The following NOTCH2 variants were observed in gnomAD, a reference collection of about 807,000 sequenced individuals.
NOTCH2 encodes notch receptor 2.
In NOTCH2, 29 loss-of-function variants were observed where a neutral mutation model predicts 235.8. The observed-to-expected ratio is 0.12, with a 90% confidence interval of 0.09 to 0.17. The LOEUF (loss-of-function observed/expected upper bound fraction) is 0.17, where lower values mean the gene tolerates loss of function less well. NOTCH2 is among the 10% of genes least tolerant of loss of function. The probability of loss-of-function intolerance (pLI) is 1.00; values close to 1 mark genes in which losing one functional copy is unlikely to be tolerated. For synonymous variants in NOTCH2, 1,086 were observed against 1,141.5 expected (o/e 0.95, Z 0.98); for missense variants, 2,285 against 3,150.2 (o/e 0.73, Z 6.57).
At chr1:120,004,653 C>G (rs1348165876) in intron 3 of NOTCH2, among the ~76,000 whole-genome samples, 8 of 151,790 alleles carry the variant, frequency 5.3e-5, no homozygotes, top group Non-Finnish European at 7.4e-5. Flanking sequence ...AAAGCCAGTG[C>G]CCTGAATGTC....
chr1:119,997,020 G>T lies in NOTCH2; in HGVS notation c.728C>A (p.Thr243Asn). ...GGTCRQTGDF[T>N]FECNCLPGFE... is the part of the protein sequence containing the mutation. ...ACCTGGAAGGCAGTTGCACTCAAAA[G>T]TGAAGTCACCAGTCTGCCGACAGGT... Residue 243 changes from threonine (T) to asparagine (N), a missense_variant, in exon 4 of 34, where the codon ACT becomes AAT. Thr to Asn is a moderately conservative substitution (Grantham distance 65, BLOSUM62 0). Coordinates refer to ENST00000256646, the MANE Select transcript of NOTCH2 (RefSeq NM_024408.4). The T allele has an allele frequency of 6.2e-7, 1 of 1,613,978 alleles. No individual in the cohort carries two copies. The highest frequency in any genetic ancestry group is 1.1e-5 in the South Asian group (1 of 91,078).
chr1:119,932,060 A>T lies in NOTCH2; in HGVS notation c.3656-2848T>A, dbSNP rs185299946. Among the ~76,000 whole-genome samples, 847 of 150,252 alleles carry T rather than the reference A, an allele frequency of 5.6e-3. 11 individuals are homozygous for T. The highest frequency in any genetic ancestry group is 0.02 in the African/African-American group (813 of 41,160). On this transcript the variant is annotated intron_variant, in intron 22 of 33. Transcript: ENST00000256646. ...CTGCAAAAAAAATCAAAAGAAAATG[A>T]TTCTTAAATGAAAATATATTCTCCA...
chr1:119,934,228 T>G (rs1320881837), intron 22 of NOTCH2, among the ~76,000 whole-genome samples: 1 of 152,160 alleles, frequency 6.6e-6, no homozygotes, highest in Non-Finnish European at 1.5e-5. Flanking sequence ...TCACCATGAG[T>G]GGAAACAGCC....
In NOTCH2 at chr1:119,959,411, G is replaced by C; in HGVS notation, c.2007C>G (p.Val669=). Residue 669 remains valine, a synonymous_variant, in exon 12 of 34, where the codon GTC becomes GTG. Transcript: ENST00000256646. The part of the protein sequence containing the change: ...CMDGINRYSC[V]CSPGFTGQRC... ...CTTTACCTGTGAATCCTGGTGAGCA[G>C]ACACAACTGTAGCGATTAATGCCAT... 1 of 1,603,940 alleles carries C rather than the reference G, an allele frequency of 6.2e-7. No individual in the cohort carries two copies. The highest frequency in any genetic ancestry group is 8.5e-7 in the Non-Finnish European group (1 of 1,170,778).
At chr1:120,014,921 C>T (rs1230449316) in intron 2 of NOTCH2, among the ~76,000 whole-genome samples, 3 of 140,264 alleles carry the variant, frequency 2.1e-5, no homozygotes, top group East Asian at 2.0e-4. Flanking sequence ...TTGTTTTCTC[C>T]ACCGAATGTT....
intron 14 of NOTCH2, among the ~76,000 whole-genome samples, chr1:119,952,346 T>C (rs587682408): frequency 1.3e-5 from 2 of 152,326 alleles, no homozygotes; most frequent in South Asian, 4.1e-4. Context: ...GCACATCCCA[T>C]TTATTGTGCA....
intron 2 of NOTCH2, among the ~76,000 whole-genome samples, chr1:120,015,297 G>A (rs76592003): frequency 6.6e-6 from 1 of 152,108 alleles, no homozygotes; most frequent in African/African-American, 2.4e-5. Flanking sequence ...TTCTTCTTGC[G>A]CTGGGCCTCT....
chr1:119,929,313 T>A lies in NOTCH2; in HGVS notation c.3656-101A>T, dbSNP rs1649576074. On this transcript the variant is annotated intron_variant, in intron 22 of 33. Coordinates refer to ENST00000256646, the MANE Select transcript of NOTCH2 (RefSeq NM_024408.4). ...TTGGCATTTTCACAATGAATCAGAG[T>A]ATACTCCTCAACTGGTAGTGGGACC... 7 of 940,384 alleles carry A rather than the reference T, an allele frequency of 7.4e-6. No individual in the cohort carries two copies. The South Asian group carries it at 9.5e-5, about 13-fold the overall frequency. The allele number at this position is 940,384 out of a possible 1,614,324, so 58.3% of individuals were successfully genotyped here.
chr1:120,046,001 A>T (rs1403858075), intron 1 of NOTCH2, among the ~76,000 whole-genome samples: 45 of 152,202 alleles, frequency 3.0e-4, no homozygotes, highest in Non-Finnish European at 5.4e-4. Flanking sequence ...ACATGGTTTA[A>T]TAGCCAGACA....
Position 119,925,361 on chromosome 1 carries a change from G to C in NOTCH2, c.4455C>G (p.Asn1485Lys). The C allele has an allele frequency of 1.2e-6, 2 of 1,614,188 alleles. No individual in the cohort carries two copies. Among genetic ancestry groups the C allele is most frequent in the Non-Finnish European group, 1.7e-6 (2 of 1,180,032 alleles). ...YINNQCDELC[N>K]TVECLFDNFE... ...AGTTGTCAAACAGGCACTCGACCGT[G>C]TTGCACAGCTCATCACACTGGTTGT... Residue 1485 changes from asparagine to lysine, a missense_variant, in exon 25 of 34, where the codon AAC becomes AAG. Asn to Lys is a moderately conservative substitution (Grantham distance 94). Around this residue, in one of 6 missense-constraint regions of NOTCH2, gnomAD observed 1,173 missense variants for 1,515.3 expected, o/e 0.77. Coordinates refer to ENST00000256646, the MANE Select transcript of NOTCH2 (RefSeq NM_024408.4).
chr1:119,965,675 C>T, intron 9 of NOTCH2, 109 bp from the exon 10 acceptor site: 1 of 827,826 alleles, frequency 1.2e-6, no homozygotes, highest in South Asian at 1.3e-5. Context: ...GGTCAATAAG[C>T]CTATGCTTTA....
chr1:119,926,661 G>A (rs1306240335), intron 23 of NOTCH2, 50 bp from the exon 24 acceptor site: 1 of 1,454,590 alleles, frequency 6.9e-7, no homozygotes, highest in Non-Finnish European at 9.4e-7. Context: ...AGTAGTCACT[G>A]CAAGTTACTC....
At chr1:119,923,557 G>T in intron 26 of NOTCH2, 80 bp downstream of exon 26, 1 of 1,220,842 alleles carries the variant, frequency 8.2e-7, no homozygotes, top group Non-Finnish European at 1.2e-6. Flanking sequence ...ATTTCTATAG[G>T]TTGAGTTATG....
chr1:119,977,880 A>G (rs1651652690), intron 5 of NOTCH2, among the ~76,000 whole-genome samples: 1 of 152,196 alleles, frequency 6.6e-6, no homozygotes, highest in South Asian at 2.1e-4. Flanking sequence ...ACACATACAC[A>G]CACACGCACA....
chr1:119,952,304 G>T (rs1181686456), intron 14 of NOTCH2, among the ~76,000 whole-genome samples: 5 of 152,202 alleles, frequency 3.3e-5, no homozygotes, highest in African/African-American at 9.7e-5. Context: ...ATGATCCGGG[G>T]TTGGGGGGAT....
chr1:119,945,531 A>T (rs1239605111), intron 17 of NOTCH2, among the ~76,000 whole-genome samples: 1 of 152,120 alleles, frequency 6.6e-6, no homozygotes, highest in Admixed American at 6.5e-5. Context: ...ATTTTTAAAA[A>T]CACACTCTAA....
intron 2 of NOTCH2, among the ~76,000 whole-genome samples, chr1:120,011,051 AT>A (rs1215878077): frequency 3.9e-5 from 6 of 152,250 alleles, no homozygotes; most frequent in African/African-American, 1.4e-4. Flanking sequence ...TTTATATGAA[AT>A]GTCCAGAATA....
At chr1:120,024,698 T>G (rs1653773413) in intron 2 of NOTCH2, among the ~76,000 whole-genome samples, 1 of 152,082 alleles carries the variant, frequency 6.6e-6, no homozygotes, top group Admixed American at 6.5e-5. Flanking sequence ...TAGCAAAAAG[T>G]GGACATTCTC....
At chr1:120,040,939 T>G (rs1553212641) in intron 1 of NOTCH2, among the ~76,000 whole-genome samples, 1 of 142,474 alleles carries the variant, frequency 7.0e-6, no homozygotes. Flanking sequence ...TACTAGGGAG[T>G]CTGAGGCAGG....
Sources: gnomAD v4.1 joint callset for allele counts (sites outside exome capture counted in the v4.1 genomes callset) on GRCh38, gnomAD v4.1.1 for gene constraint, gnomAD v4.1.1 regional missense constraint, MANE v1.5 for transcripts, NCBI Gene and HGNC (gene_info 2026-07-23, HGNC 2026-07-21) for gene names.